DIAPH2: variants seen among roughly 807,000 people sequenced by gnomAD.
DIAPH2 encodes the protein diaphanous related formin 2, also known as protein diaphanous homolog 2.
A neutral mutation model predicts 92.7 loss-of-function variants in DIAPH2; 35 were observed. The ratio of observed to expected loss-of-function variants is 0.38; its 90% CI spans 0.29 to 0.50. DIAPH2 has a LOEUF of 0.50. Among genes scored for constraint, DIAPH2 ranks in the 20% least tolerant of loss-of-function variants. The pLI is 0.94. For synonymous variants in DIAPH2, 301 were observed against 280.4 expected (o/e 1.07, Z -0.73); for missense variants, 701 against 819.5 (o/e 0.86, Z 1.77).
At chrX:96,818,887 C>T (rs2147673182) in intron 4 of DIAPH2, among the ~76,000 whole-genome samples, 1 of 112,541 alleles carries the variant, frequency 8.9e-6, no homozygotes, top group Non-Finnish European at 1.9e-5. Context: ...ACGGGACGGG[C>T]GGGGTGCGGG....
At chrX:97,022,164 C>T (rs950897858) in intron 17 of DIAPH2, among the ~76,000 whole-genome samples, 1 of 112,151 alleles carries the variant, frequency 8.9e-6, no homozygotes, top group Non-Finnish European at 1.9e-5. Flanking sequence ...AGTCAATTTA[C>T]TTCTCTGAAC....
intron 26 of DIAPH2, among the ~76,000 whole-genome samples, chrX:97,457,649 C>G (rs1161847529): frequency 9.0e-6 from 1 of 111,620 alleles, no homozygotes; most frequent in East Asian, 2.8e-4. Context: ...CAGTTCTTCA[C>G]TATACGGGCC....
intron 23 of DIAPH2, among the ~76,000 whole-genome samples, chrX:97,291,761 C>A (rs919295384): frequency 9.0e-6 from 1 of 111,011 alleles, no homozygotes; most frequent in Non-Finnish European, 1.9e-5. Context: ...TGGTCTCGAA[C>A]GCATGACCTC....
chrX:96,860,527 T>A (rs1453693276), intron 4 of DIAPH2, among the ~76,000 whole-genome samples: 1 of 112,079 alleles, frequency 8.9e-6, no homozygotes, highest in Non-Finnish European at 1.9e-5. Context: ...TTAAATCTGT[T>A]TGAAAAGAAT....
chrX:97,135,098 T>C (rs1417338454), intron 21 of DIAPH2, among the ~76,000 whole-genome samples: 2 of 111,966 alleles, frequency 1.8e-5, no homozygotes, highest in Non-Finnish European at 3.8e-5. Flanking sequence ...GTGAGACTAG[T>C]TGTGTACACA....
chrX:97,484,313 TTATC>T (rs1389838830), intron 26 of DIAPH2, among the ~76,000 whole-genome samples: 1 of 111,850 alleles, frequency 8.9e-6, no homozygotes, highest in East Asian at 2.8e-4. Flanking sequence ...CTTAGGCAAA[TTATC>T]TAGCCTTTCT....
chrX:97,280,924 A>G (rs1362824238), intron 23 of DIAPH2, among the ~76,000 whole-genome samples: 1 of 112,197 alleles, frequency 8.9e-6, no homozygotes, highest in African/African-American at 3.2e-5. Flanking sequence ...TATAGCTTTT[A>G]GCTATCACTA....
At chrX:96,900,876 T>A (rs2065388767) in intron 5 of DIAPH2, among the ~76,000 whole-genome samples, 1 of 112,063 alleles carries the variant, frequency 8.9e-6, no homozygotes, top group East Asian at 2.8e-4. Flanking sequence ...AGTATTTTGT[T>A]GGGGATTTTT....
intron 22 of DIAPH2, among the ~76,000 whole-genome samples, chrX:97,184,061 G>C (rs1035919528): frequency 8.9e-6 from 1 of 112,278 alleles, no homozygotes; most frequent in African/African-American, 3.2e-5. Context: ...ATAATGAGAT[G>C]ATTATTATGA....
chrX:97,429,839 T>C, intron 26 of DIAPH2, 94 bp downstream of exon 26: 1 of 869,165 alleles, frequency 1.2e-6, no homozygotes, highest in Non-Finnish European at 1.6e-6. Context: ...ATAAAAATAC[T>C]TCCTCATGAA....
intron 4 of DIAPH2, among the ~76,000 whole-genome samples, chrX:96,814,955 G>A (rs749544854): frequency 1.8e-5 from 2 of 111,683 alleles, no homozygotes; most frequent in South Asian, 3.8e-4. Flanking sequence ...GCCCCTACTC[G>A]GAGCTGTCTC....
intron 17 of DIAPH2, among the ~76,000 whole-genome samples, chrX:96,989,518 T>C (rs1338960871): frequency 8.9e-6 from 1 of 112,265 alleles, no homozygotes; most frequent in Non-Finnish European, 1.9e-5. Context: ...TGTACTATTT[T>C]ACTGTATTTC....
intron 17 of DIAPH2, among the ~76,000 whole-genome samples, chrX:97,001,965 C>T (rs1373314397): frequency 1.8e-5 from 2 of 109,571 alleles, no homozygotes; most frequent in Non-Finnish European, 3.8e-5. Flanking sequence ...ATGAGCATCC[C>T]AAGATCAGAC....
intron 4 of DIAPH2, among the ~76,000 whole-genome samples, chrX:96,787,931 A>G (rs2064471007): frequency 9.4e-6 from 1 of 106,689 alleles, no homozygotes; most frequent in South Asian, 4.2e-4. Context: ...GCTGGTCTCG[A>G]ACTCCTGACC....
chrX:97,476,039 CATTAAT>C (rs200062302), intron 26 of DIAPH2, among the ~76,000 whole-genome samples: 6,440 of 111,685 alleles, frequency 0.058, 174 homozygotes, highest in African/African-American at 0.11. Context: ...GAACCCAACA[CATTAAT>C]ATTAACATTT....
intron 4 of DIAPH2, among the ~76,000 whole-genome samples, chrX:96,848,064 AG>A (rs765018482): frequency 9.1e-6 from 1 of 109,486 alleles, no homozygotes; most frequent in South Asian, 4.0e-4. Flanking sequence ...TTTAGAGACA[AG>A]GTATTGCTCT....
At chrX:96,926,572 A>G (rs2065583258) in intron 9 of DIAPH2, among the ~76,000 whole-genome samples, 1 of 111,620 alleles carries the variant, frequency 9.0e-6, no homozygotes, top group Non-Finnish European at 1.9e-5. Flanking sequence ...TTGTAGAAAT[A>G]AAATAAATTG....
intron 1 of DIAPH2, among the ~76,000 whole-genome samples, chrX:96,712,433 G>T (rs2063924336): frequency 9.0e-6 from 1 of 111,037 alleles, no homozygotes; most frequent in Non-Finnish European, 1.9e-5. Flanking sequence ...GCCATAAAAA[G>T]TAACAACTGA....
At chrX:97,553,001 AC>A (rs2071231516) in intron 26 of DIAPH2, among the ~76,000 whole-genome samples, 2 of 111,897 alleles carry the variant, frequency 1.8e-5, no homozygotes, top group Non-Finnish European at 1.9e-5. Context: ...GTCAGATTTA[AC>A]TTAATTACTA....
Sources: allele counts gnomAD v4.1 joint callset (sites outside exome capture counted in the v4.1 genomes callset), GRCh38; gene constraint gnomAD v4.1.1; transcripts MANE v1.5; gene names NCBI Gene and HGNC (gene_info 2026-07-23, HGNC 2026-07-21).